The following CDS2 variants were observed in gnomAD, a reference collection of about 807,000 sequenced individuals.
CDS2 encodes the protein phosphatidate cytidylyltransferase 2.
In CDS2, 47 loss-of-function variants were observed where a neutral mutation model predicts 59.0. That is an observed-to-expected ratio of 0.80 (90% CI 0.63 to 1.02). CDS2 has a LOEUF of 1.02. Among genes scored for constraint, CDS2 ranks in the 50% least tolerant of loss-of-function variants. The probability of loss-of-function intolerance (pLI) is 0.00; values close to 1 mark genes in which losing one functional copy is unlikely to be tolerated. For missense variants in CDS2, 356 were observed against 558.9 expected (o/e 0.64, Z 3.66); for synonymous variants, 207 against 206.4 (o/e 1.00, Z -0.02).
Position 5,191,364 on chromosome 20 carries a change from T to C in CDS2, c.*1130T>C, listed in dbSNP as rs985486499. ...TATAATGTGACCAGTTTAAATGTAG[T>C]TTGTATTGTACTGGGGGACCTTTCG... On this transcript the variant is annotated 3_prime_UTR_variant, in exon 13 of 13. Transcript: ENST00000460006. 2.0e-5 allele frequency: 3 copies of C among 152,164 alleles called. No homozygotes were observed. The highest frequency in any genetic ancestry group is 1.3e-4 in the Admixed American group (2 of 15,284). The allele number at this position is 152,164 out of a possible 1,614,324, so 9.4% of individuals were successfully genotyped here.
intron 1 of CDS2, among the ~76,000 whole-genome samples, chr20:5,164,814 G>C (rs544610346): frequency 1.3e-5 from 2 of 152,290 alleles, no homozygotes; most frequent in South Asian, 2.1e-4. Context: ...GATGTCATCG[G>C]AACAGAGCCG....
At chr20:5,175,829 C>T (rs184752905) in intron 3 of CDS2, among the ~76,000 whole-genome samples, 2 of 152,244 alleles carry the variant, frequency 1.3e-5, no homozygotes, top group East Asian at 1.9e-4. Flanking sequence ...ATTATTCCAA[C>T]TCTGTAAACT....
intron 1 of CDS2, among the ~76,000 whole-genome samples, chr20:5,155,733 G>A (rs2090828673): frequency 6.6e-6 from 1 of 152,202 alleles, no homozygotes; most frequent in Admixed American, 6.5e-5. Context: ...TTCTTGCCAT[G>A]TAAGATAATA....
rs2091169641 is a variant in CDS2, at chr20:5,197,760, T to C, written c.*7526T>C. Reference sequence around the variant, plus strand: ...TCTCTCTGTGCACTCGTGATCCATGTTGAACAATACATGTAGGTTCTTTTT... The same window carrying C: ...TCTCTCTGTGCACTCGTGATCCATGCTGAACAATACATGTAGGTTCTTTTT... On this transcript the variant is annotated 3_prime_UTR_variant, in exon 13 of 13. Transcript: ENST00000460006. 6.6e-6 allele frequency: 1 copy of C among 152,298 alleles called. No individual in the cohort carries two copies. Among genetic ancestry groups the C allele is most frequent in the African/African-American group, 2.4e-5 (1 of 41,456 alleles). The allele number at this position is 152,298 out of a possible 1,614,324, so 9.4% of individuals were successfully genotyped here. A position where few individuals can be genotyped will look rare whatever the true frequency, so the allele number is the denominator to read the frequency against.
intron 3 of CDS2, 116 bp from the exon 4 acceptor site, chr20:5,176,532 G>A (rs1452188775): frequency 4.0e-6 from 3 of 756,362 alleles, no homozygotes; most frequent in East Asian, 2.5e-5. Flanking sequence ...AGAACCACTG[G>A]AGGCCCGATA....
At chr20:5,166,868 A>G (rs535637231) in intron 1 of CDS2, among the ~76,000 whole-genome samples, 2 of 152,324 alleles carry the variant, frequency 1.3e-5, no homozygotes, top group South Asian at 4.1e-4. Flanking sequence ...GGGAGGGGAC[A>G]TGAAATGTCG....
chr20:5,166,977 A>C (rs2090917914), intron 1 of CDS2, among the ~76,000 whole-genome samples: 1 of 152,174 alleles, frequency 6.6e-6, no homozygotes, highest in South Asian at 2.1e-4. Flanking sequence ...AGATGGTTGT[A>C]AGTAGGGCTG....
chr20:5,136,794 C>T (rs61511956), intron 1 of CDS2, among the ~76,000 whole-genome samples: 12,697 of 152,106 alleles, frequency 0.083, 598 homozygotes, highest in Middle Eastern at 0.16. Context: ...CATTTCCTTC[C>T]AATTCTTGTT....
chr20:5,156,150 G>C (rs2090832190), intron 1 of CDS2, among the ~76,000 whole-genome samples: 1 of 152,166 alleles, frequency 6.6e-6, no homozygotes, highest in Admixed American at 6.5e-5. Flanking sequence ...GCTTAGTAGT[G>C]AAGGGTTGAT....
intron 5 of CDS2, 137 bp downstream of exon 5, chr20:5,179,093 C>G (rs1292243): frequency 0.095 from 68,376 of 723,300 alleles, 3,809 homozygotes; most frequent in Middle Eastern, 0.16. Flanking sequence ...AGAGCTGATG[C>G]TCTATGTTAA....
intron 1 of CDS2, among the ~76,000 whole-genome samples, chr20:5,129,332 A>G (rs899403609): frequency 3.3e-5 from 5 of 152,180 alleles, no homozygotes; most frequent in African/African-American, 1.2e-4. Flanking sequence ...GCTGGAGTGC[A>G]GTGGCACGAT....
At chr20:5,149,722 TTTTG>T (rs1176174853) in intron 1 of CDS2, among the ~76,000 whole-genome samples, 2 of 151,736 alleles carry the variant, frequency 1.3e-5, no homozygotes, top group African/African-American at 4.8e-5. Flanking sequence ...GTTTTTTGTT[TTTTG>T]TTTTTTTGAG....
intron 4 of CDS2, among the ~76,000 whole-genome samples, chr20:5,177,300 T>G (rs1399096363): frequency 6.6e-6 from 1 of 152,018 alleles, no homozygotes; most frequent in Non-Finnish European, 1.5e-5. Flanking sequence ...TTGGTTTCCT[T>G]ATCTCTAAGA....
intron 1 of CDS2, among the ~76,000 whole-genome samples, chr20:5,153,116 G>A (rs916157105): frequency 5.9e-5 from 9 of 152,176 alleles, no homozygotes; most frequent in Non-Finnish European, 1.0e-4. Flanking sequence ...ATCCACAGGA[G>A]TAAATACAAC....
At position 5,190,310 on chromosome 20, in the gene CDS2, C is replaced by A; in HGVS notation, c.*76C>A. 25 of 1,281,780 alleles carry A rather than the reference C, an allele frequency of 2.0e-5. No homozygotes were observed. The highest frequency in any genetic ancestry group is 4.5e-5 in the South Asian group (3 of 67,112). The allele number at this position is 1,281,780 out of a possible 1,614,324, so 79.4% of individuals were successfully genotyped here. ...TCCAAGGCAAGCCCAGCTGGTGTGACTTAGACAATGACGAGGCTTCAACTC... is the reference window on the plus strand; with the variant it reads ...TCCAAGGCAAGCCCAGCTGGTGTGAATTAGACAATGACGAGGCTTCAACTC... On this transcript the variant is annotated 3_prime_UTR_variant, in exon 13 of 13. Transcript: ENST00000460006.
chr20:5,168,483 C>T (rs79337326), intron 1 of CDS2: 319 of 385,688 alleles, frequency 8.3e-4, no homozygotes, highest in African/African-American at 5.6e-3. Flanking sequence ...TAGGTTCCAC[C>T]GGTGTGGAGC....
At chr20:5,166,346 A>G (rs1471959954) in intron 1 of CDS2, among the ~76,000 whole-genome samples, 1 of 152,162 alleles carries the variant, frequency 6.6e-6, no homozygotes, top group Non-Finnish European at 1.5e-5. Flanking sequence ...ATTTGCTAAG[A>G]TAAGTCACAT....
At chr20:5,165,086 T>G (rs931374977) in intron 1 of CDS2, among the ~76,000 whole-genome samples, 5 of 152,212 alleles carry the variant, frequency 3.3e-5, no homozygotes, top group Admixed American at 3.3e-4. Context: ...CTGGCAGTCA[T>G]GCAGAGGTTG....
chr20:5,132,535 G>C (rs1368401620), intron 1 of CDS2, among the ~76,000 whole-genome samples: 1 of 151,978 alleles, frequency 6.6e-6, no homozygotes, highest in Non-Finnish European at 1.5e-5. Flanking sequence ...CTTTGAGATT[G>C]AACTACTCAA....
Sources: gnomAD v4.1 joint callset for allele counts (sites outside exome capture counted in the v4.1 genomes callset) on GRCh38, gnomAD v4.1.1 for gene constraint, MANE v1.5 for transcripts, NCBI Gene and HGNC (gene_info 2026-07-23, HGNC 2026-07-21) for gene names.